The following CADPS variants were observed in gnomAD, a reference collection of about 807,000 sequenced individuals.
CADPS encodes calcium-dependent secretion activator 1.
A neutral mutation model predicts 167.3 loss-of-function variants in CADPS; 57 were observed. The observed-to-expected ratio is 0.34, with a 90% CI of 0.28 to 0.42. The LOEUF is 0.42. Among genes scored for constraint, CADPS ranks in the 20% least tolerant of loss-of-function variants. The pLI is 1.00. For synonymous variants in CADPS, 676 were observed against 635.3 expected, an observed-to-expected ratio of 1.06 and a Z score of -0.96; for missense variants, 1,414 against 1,738.1, an observed-to-expected ratio of 0.81 and a Z score of 3.32.
chr3:62,662,270 G>A lies in CADPS; in HGVS notation c.969+44C>T, dbSNP rs1436860456. On this transcript the variant is annotated intron_variant, in intron 4 of 29. Transcript: ENST00000383710. ...AATAATCAATGTGCTTCCTGAGTGG[G>A]ACTTTGGCCTGGACCCCAGCAAACA... The A allele has an allele frequency of 2.0e-6, 3 of 1,493,616 alleles. No homozygotes were observed. In the African/African-American group the frequency reaches 4.1e-5, roughly 21 times the overall value. 92.5% of individuals were successfully genotyped at this position (1,493,616 alleles called of 1,614,324 possible).
intron 1 of CADPS, among the ~76,000 whole-genome samples, chr3:62,772,578 T>C (rs140697360): frequency 8.5e-5 from 13 of 152,306 alleles, no homozygotes; most frequent in African/African-American, 3.1e-4. Context: ...GAACAAATGT[T>C]TGTAAACACC....
At chr3:62,468,119 C>T (rs530179260) in intron 24 of CADPS, among the ~76,000 whole-genome samples, 1 of 152,184 alleles carries the variant, frequency 6.6e-6, no homozygotes, top group African/African-American at 2.4e-5. Context: ...AAACCTGAAG[C>T]TAAATGCAAA....
Position 62,869,233 on chromosome 3 carries a change from C to G in CADPS, c.441+5356G>C, listed in dbSNP as rs531602418. ...TCTGTATATCCTTTCCCTTCATCAT[C>G]TAGCTTTTTTCATTCTGATATGGAA... On this transcript the variant is annotated intron_variant, in intron 1 of 29. Transcript: ENST00000383710. 2.0e-5 allele frequency among the ~76,000 whole-genome samples: 3 copies of G among 152,156 alleles called. No individual in the cohort carries two copies. In the East Asian group the frequency reaches 5.8e-4, roughly 29 times the overall value.
rs2149649514 is a variant in CADPS at position 62,432,719 on chromosome 3, T to C, written c.3777+5385A>G. ...CCTCATAATAACTCCACGATTATCA[T>C]CCCTGTTATATAGATGAATCAGCTG... On this transcript the variant is annotated intron_variant, in intron 28 of 29. Transcript: ENST00000383710. Among the ~76,000 whole-genome samples, 3 of 152,274 alleles carry C rather than the reference T, an allele frequency of 2.0e-5. No homozygotes were observed. In the South Asian group the frequency reaches 6.2e-4, roughly 32 times the overall value.
chr3:62,790,999 T>TA (rs34800701), intron 1 of CADPS, among the ~76,000 whole-genome samples: 25,744 of 147,910 alleles, frequency 0.17, 6,221 homozygotes, highest in African/African-American at 0.54. Context: ...GGCTCCTAAG[T>TA]AAAAAAAAAA....
At chr3:62,840,542 T>C (rs888000932) in intron 1 of CADPS, among the ~76,000 whole-genome samples, 4 of 152,116 alleles carry the variant, frequency 2.6e-5, no homozygotes, top group Admixed American at 1.3e-4. Context: ...AAATGTTGTG[T>C]ATATTTTTGT....
intron 3 of CADPS, among the ~76,000 whole-genome samples, chr3:62,692,073 C>A (rs142013731): frequency 6.6e-6 from 1 of 152,088 alleles, no homozygotes; most frequent in African/African-American, 2.4e-5. Flanking sequence ...ATTTTCAACA[C>A]CACTGTCTTT....
intron 4 of CADPS, among the ~76,000 whole-genome samples, chr3:62,652,067 G>T (rs1257539034): frequency 2.0e-5 from 3 of 152,030 alleles, no homozygotes; most frequent in Non-Finnish European, 2.9e-5. Context: ...CCTCTGGGGT[G>T]GCTTCATGCT....
chr3:62,708,869 C>G (rs943803731), intron 3 of CADPS, among the ~76,000 whole-genome samples: 1 of 151,802 alleles, frequency 6.6e-6, no homozygotes, highest in Non-Finnish European at 1.5e-5. Flanking sequence ...TTCAGGGAAG[C>G]CTTGGGACTG....
intron 1 of CADPS, among the ~76,000 whole-genome samples, chr3:62,858,559 A>G (rs2080145107): frequency 6.6e-6 from 1 of 152,180 alleles, no homozygotes; most frequent in Non-Finnish European, 1.5e-5. Flanking sequence ...AAAAAATTAC[A>G]AGTCTGTTTG....
chr3:62,618,967 T>C (rs2062756072), intron 6 of CADPS, among the ~76,000 whole-genome samples: 2 of 152,200 alleles, frequency 1.3e-5, no homozygotes, highest in Non-Finnish European at 2.9e-5. Flanking sequence ...TATTGATGAC[T>C]AGGGATGGTC....
chr3:62,528,778 G>T (rs1001006514), intron 13 of CADPS, among the ~76,000 whole-genome samples: 2 of 152,160 alleles, frequency 1.3e-5, no homozygotes, highest in Non-Finnish European at 2.9e-5. Flanking sequence ...ATCTAGGTTT[G>T]CTACTTAAAT....
intron 17 of CADPS, among the ~76,000 whole-genome samples, chr3:62,505,989 G>A (rs532194336): frequency 6.6e-6 from 1 of 152,258 alleles, no homozygotes; most frequent in African/African-American, 2.4e-5. Flanking sequence ...CTTATCCAAA[G>A]TCTCTGGTTA....
At chr3:62,593,331 T>A (rs2086496145) in intron 6 of CADPS, among the ~76,000 whole-genome samples, 1 of 152,202 alleles carries the variant, frequency 6.6e-6, no homozygotes, top group Admixed American at 6.5e-5. Context: ...TCCCTGCTCA[T>A]AGTTTGTGGA....
chr3:62,655,264 A>C lies in CADPS; in HGVS notation c.970-4184T>G, dbSNP rs548999218. Among the ~76,000 whole-genome samples, 24 of 152,298 alleles carry C rather than the reference A, an allele frequency of 1.6e-4. No homozygotes were observed. In the East Asian group the frequency reaches 3.7e-3, roughly 23 times the overall value. ...GTTTTTCAGTGGCAGACCCATTGCAAACACATTTCAAAGCTGAACTTGTGC... is the reference window on the plus strand; with the variant it reads ...GTTTTTCAGTGGCAGACCCATTGCACACACATTTCAAAGCTGAACTTGTGC... On this transcript the variant is annotated intron_variant, in intron 4 of 29. Transcript: ENST00000383710.
intron 1 of CADPS, among the ~76,000 whole-genome samples, chr3:62,801,642 A>T (rs114660557): frequency 0.02 from 3,108 of 152,296 alleles, 53 homozygotes; most frequent in East Asian, 0.088. Flanking sequence ...ATTAATAACC[A>T]TAATAGTAGC....
chr3:62,548,638 C>A (rs894020754), intron 11 of CADPS, among the ~76,000 whole-genome samples: 1 of 152,242 alleles, frequency 6.6e-6, no homozygotes, highest in African/African-American at 2.4e-5. Flanking sequence ...TTAGTAGTTA[C>A]AGCTGCAAAA....
chr3:62,572,354 A>G (rs1362096609), intron 8 of CADPS, among the ~76,000 whole-genome samples: 3 of 151,758 alleles, frequency 2.0e-5, no homozygotes, highest in Non-Finnish European at 1.5e-5. Context: ...CACTTCCACT[A>G]TTTCAGTCCC....
chr3:62,599,621 TATATA>T (rs1239793261), intron 6 of CADPS, among the ~76,000 whole-genome samples: 3 of 47,694 alleles, frequency 6.3e-5, no homozygotes, highest in Non-Finnish European at 1.1e-4. Context: ...TTATATATAA[TATATA>T]ATATAATAAA....
Sources: allele counts gnomAD v4.1 joint callset (sites outside exome capture counted in the v4.1 genomes callset), GRCh38; gene constraint gnomAD v4.1.1; transcripts MANE v1.5; gene names NCBI Gene and HGNC (gene_info 2026-07-23, HGNC 2026-07-21).